PIGG: variants seen among roughly 807,000 people sequenced by gnomAD.
The protein encoded by PIGG is GPI ethanolamine phosphate transferase 2, catalytic subunit.
PIGG carries 70 observed loss-of-function variants against 83.2 expected under a neutral mutation model. The ratio of observed to expected loss-of-function variants is 0.84; its 90% CI spans 0.69 to 1.03. The LOEUF is 1.03. Ranked by LOEUF, PIGG falls within the 50% of genes least tolerant of loss-of-function variation. The probability of loss-of-function intolerance (pLI) is 0.00; values close to 1 mark genes in which losing one functional copy is unlikely to be tolerated. For missense variants in PIGG, 1,257 were observed against 1,233.6 expected (o/e 1.02, Z -0.28); for synonymous variants, 532 against 519.5 (o/e 1.02, Z -0.33).
At position 533,895 on chromosome 4, in the gene PIGG, C is replaced by T. The variant is rs747823544; in HGVS notation, c.2649C>T (p.Ala883=). 2.0e-5 allele frequency: 33 copies of T among 1,614,038 alleles called. No individual in the cohort carries two copies. In the Middle Eastern group the frequency reaches 4.9e-4, roughly 24 times the overall value. The change falls in exon 12 of 13, where the codon GCC becomes GCT. Residue 883 remains alanine (A), a synonymous_variant. Transcript: ENST00000453061. ...VGLDTYVEIP[A]VLLTAFGTYA... ...TAGACACCTACGTGGAAATCCCAGC[C>T]GTGCTCCTGACAGCGTTTGGGACGT... is the stretch of plus-strand genomic sequence containing the variant.
At chr4:527,922 CAA>C (rs2109000717) in intron 10 of PIGG, 1 of 985,308 alleles carries the variant, frequency 1.0e-6, no homozygotes, top group South Asian at 4.7e-5. Context: ...CCATTTATCT[CAA>C]GAATATAAGC....
intron 3 of PIGG, chr4:506,773 T>C (rs1057243085): frequency 6.6e-6 from 3 of 456,112 alleles, no homozygotes; most frequent in African/African-American, 2.0e-5. Flanking sequence ...ATCAATGTGA[T>C]CATTGAGTGC....
chr4:539,515 G>T lies in PIGG; in HGVS notation c.*146G>T, dbSNP rs911092069. Reference sequence around the variant, plus strand: ...CTAAGCAGTAAATAGTTTAATAAAAGATCACTTTAATATACAGTTTGTATC... The same window carrying T: ...CTAAGCAGTAAATAGTTTAATAAAATATCACTTTAATATACAGTTTGTATC... On this transcript the variant is annotated 3_prime_UTR_variant, in exon 13 of 13. Coordinates refer to ENST00000453061, the MANE Select transcript of PIGG (RefSeq NM_001127178.3). The T allele has an allele frequency of 1.6e-6, 1 of 607,868 alleles. No individual in the cohort carries two copies. Among genetic ancestry groups the T allele is most frequent in the East Asian group, 2.7e-5 (1 of 36,394 alleles). The allele number at this position is 607,868 out of a possible 1,614,324, so 37.7% of individuals were successfully genotyped here.
intron 2 of PIGG, among the ~76,000 whole-genome samples, chr4:505,459 CAAAAAAAAA>C (rs35308755): frequency 1.8e-4 from 8 of 45,026 alleles, no homozygotes; most frequent in African/African-American, 7.3e-4. Flanking sequence ...CTGTATCTAC[CAAAAAAAAA>C]AAAAAAAAAA....
rs771388894 is a variant in PIGG, at chr4:516,136, A to C, written c.1065A>C (p.Thr355=). The change falls in exon 6 of 13, where the codon ACA becomes ACC. Residue 355 remains threonine (T), a synonymous_variant. Coordinates refer to ENST00000453061, the MANE Select transcript of PIGG (RefSeq NM_001127178.3). The part of the protein sequence containing the change: ...REQLRFLHLN[T]VQLSKLLQEN... ...AGTTGAGATTTTTACATTTGAATAC[A>C]GTGCAGCTTAGTAAACTGTTGCAAG... The C allele has an allele frequency of 1.2e-6, 2 of 1,614,000 alleles. No individual in the cohort carries two copies. Among genetic ancestry groups the C allele is most frequent in the African/African-American group, 2.7e-5 (2 of 74,924 alleles).
Position 499,287 on chromosome 4 carries a change from G to C in PIGG, c.-49G>C, listed in dbSNP as rs782046139. On this transcript the variant is annotated 5_prime_UTR_variant, in exon 1 of 13. Coordinates refer to ENST00000453061, the MANE Select transcript of PIGG (RefSeq NM_001127178.3). ...GAGCCGGAAGCGCGGCTGCAGCAGG[G>C]CGAGGCTCCAGGTGGGGTCGGTTCC... The C allele has an allele frequency of 6.3e-7, 1 of 1,585,210 alleles. No homozygotes were observed. The highest frequency in any genetic ancestry group is 1.3e-5 in the African/African-American group (1 of 74,496).
At chr4:500,127 T>C (rs1717068674) in intron 1 of PIGG, 1 of 437,898 alleles carries the variant, frequency 2.3e-6, no homozygotes, top group Non-Finnish European at 4.1e-6. Flanking sequence ...TCCAGGACCC[T>C]TACGTAGGGA....
At position 499,328 on chromosome 4, in the gene PIGG, T is replaced by G; in HGVS notation, c.-8T>G. The G allele has an allele frequency of 6.2e-7, 1 of 1,606,248 alleles. No individual in the cohort carries two copies. The highest frequency in any genetic ancestry group is 8.5e-7 in the Non-Finnish European group (1 of 1,179,712). On this transcript the variant is annotated 5_prime_UTR_variant, in exon 1 of 13. Coordinates refer to ENST00000453061, the MANE Select transcript of PIGG (RefSeq NM_001127178.3). ...GGTCGGTTCCGCATCCAGCCTAGCG[T>G]GTCCACGATGCGGCTGGGCTCCGGG...
chr4:516,138 T>G lies in PIGG; in HGVS notation c.1067T>G (p.Val356Gly). Residue 356 changes from valine (V) to glycine (G), a missense_variant, in exon 6 of 13, where the codon GTG (valine) becomes GGG (glycine). By Grantham distance (109) the Val-to-Gly change is moderately radical. Transcript: ENST00000453061. Reference protein sequence around the residue: ...EQLRFLHLNTVQLSKLLQENV... With the variant: ...EQLRFLHLNTGQLSKLLQENV... ...TTGAGATTTTTACATTTGAATACAGTGCAGCTTAGTAAACTGTTGCAAGAG... is the reference window on the plus strand; with the variant it reads ...TTGAGATTTTTACATTTGAATACAGGGCAGCTTAGTAAACTGTTGCAAGAG... 6.2e-7 allele frequency: 1 copy of G among 1,614,088 alleles called. No homozygotes were observed.
chr4:529,835 G>A (rs759920998), intron 10 of PIGG, among the ~76,000 whole-genome samples: 3 of 152,226 alleles, frequency 2.0e-5, no homozygotes, highest in Non-Finnish European at 4.4e-5. Flanking sequence ...CGCCCGAGTA[G>A]GAGAGCTAGT....
chr4:509,055 T>C, intron 5 of PIGG, 85 bp downstream of exon 5: 1 of 1,193,294 alleles, frequency 8.4e-7, no homozygotes, highest in South Asian at 1.5e-5. Context: ...ACCTATTTTT[T>C]AGAAGCTCCA....
chr4:501,384 G>A (rs953877813), intron 2 of PIGG, among the ~76,000 whole-genome samples: 1 of 152,256 alleles, frequency 6.6e-6, no homozygotes. Context: ...TGATTAGTGG[G>A]TGAGAAAGCC....
chr4:510,673 T>A (rs1018942033), intron 5 of PIGG, among the ~76,000 whole-genome samples: 1 of 152,248 alleles, frequency 6.6e-6, no homozygotes, highest in Non-Finnish European at 1.5e-5. Context: ...GAGTTGGTTC[T>A]GTTTTGTTTT....
At chr4:511,786 T>C (rs1303584452) in intron 5 of PIGG, among the ~76,000 whole-genome samples, 2 of 152,258 alleles carry the variant, frequency 1.3e-5, no homozygotes, top group African/African-American at 2.4e-5. Context: ...AAGGCAGATT[T>C]GCTAGCAAAG....
At chr4:516,448 G>A (rs914595756) in intron 6 of PIGG, among the ~76,000 whole-genome samples, 4 of 152,190 alleles carry the variant, frequency 2.6e-5, no homozygotes, top group Non-Finnish European at 2.9e-5. Flanking sequence ...TGAATGAGAG[G>A]CTGTTAACAG....
At position 516,200 on chromosome 4, in the gene PIGG, C is replaced by T. The variant is rs200262444; in HGVS notation, c.1114+15C>T. On this transcript the variant is annotated intron_variant, in intron 6 of 12. Transcript: ENST00000453061. ...ATATGAAAAAGGTCAGTCAACTCAC[C>T]GTTTCGAGCTCTGTCAGAGCTGTGT... The T allele has an allele frequency of 6.5e-4, 1,028 of 1,570,512 alleles. 8 individuals are homozygous for T. The highest frequency in any genetic ancestry group is 1.5e-3 in the African/African-American group (113 of 74,156).
chr4:539,923 G>A lies in PIGG; in HGVS notation c.*554G>A, dbSNP rs1328506992. The A allele has an allele frequency of 1.3e-5, 2 of 152,410 alleles. No homozygotes were observed. Among genetic ancestry groups the A allele is most frequent in the African/African-American group, 4.8e-5 (2 of 41,466 alleles). 9.4% of individuals were successfully genotyped at this position (152,410 alleles called of 1,614,324 possible). On this transcript the variant is annotated 3_prime_UTR_variant, in exon 13 of 13. Coordinates refer to ENST00000453061, the MANE Select transcript of PIGG (RefSeq NM_001127178.3). Reference sequence around the variant, plus strand: ...AAAATTCAGTGAGACCCAGCACTTTGGGAGGCCAGAGTGGGGGTATCACTT... The same window carrying A: ...AAAATTCAGTGAGACCCAGCACTTTAGGAGGCCAGAGTGGGGGTATCACTT...
intron 5 of PIGG, among the ~76,000 whole-genome samples, chr4:512,417 T>A (rs1722334494): frequency 6.6e-6 from 1 of 151,770 alleles, no homozygotes; most frequent in South Asian, 2.1e-4. Context: ...GGGTTTCACA[T>A]TATTGGCCAG....
chr4:517,682 G>C (rs1724396353), intron 6 of PIGG, among the ~76,000 whole-genome samples: 1 of 152,128 alleles, frequency 6.6e-6, no homozygotes, highest in Non-Finnish European at 1.5e-5. Flanking sequence ...GCTGGTACTA[G>C]GCAGGCGAGA....
Sources: allele counts gnomAD v4.1 joint callset (sites outside exome capture counted in the v4.1 genomes callset), GRCh38; gene constraint gnomAD v4.1.1; transcripts MANE v1.5; gene names NCBI Gene and HGNC (gene_info 2026-07-23, HGNC 2026-07-21).